CHD6: variants seen among roughly 807,000 people sequenced by gnomAD.
The protein encoded by CHD6 is ATP-dependent chromatin remodeler CHD6.
CHD6 carries 50 observed loss-of-function variants against 276.9 expected under a neutral mutation model. The ratio of observed to expected loss-of-function variants is 0.18; its 90% CI spans 0.14 to 0.23. CHD6 has a LOEUF of 0.23. CHD6 is among the 10% of genes least tolerant of loss of function. CHD6 has a pLI of 1.00. For synonymous variants in CHD6, 1,173 were observed against 1,229.3 expected (o/e 0.95, Z 0.96); for missense variants, 2,564 against 3,365.8 (o/e 0.76, Z 5.89).
At chr20:41,485,256 C>T (rs1345781514) in intron 14 of CHD6, among the ~76,000 whole-genome samples, 1 of 152,168 alleles carries the variant, frequency 6.6e-6, no homozygotes, top group African/African-American at 2.4e-5. Context: ...CTTTATGCAA[C>T]TGACTGCACC....
intron 1 of CHD6, among the ~76,000 whole-genome samples, chr20:41,578,500 C>A (rs2045498021): frequency 6.6e-6 from 1 of 151,978 alleles, no homozygotes. Context: ...ATTTAGGTAA[C>A]AATCACCAAG....
At chr20:41,561,251 C>A (rs1601143491) in intron 1 of CHD6, among the ~76,000 whole-genome samples, 1 of 152,230 alleles carries the variant, frequency 6.6e-6, no homozygotes, top group East Asian at 1.9e-4. Flanking sequence ...GTTATTATCA[C>A]CCTTATTTAT....
At chr20:41,409,009 A>G (rs1395298661) in intron 36 of CHD6, among the ~76,000 whole-genome samples, 1 of 152,258 alleles carries the variant, frequency 6.6e-6, no homozygotes, top group Non-Finnish European at 1.5e-5. Context: ...GCTGAGAACC[A>G]TGAGTGCAGA....
chr20:41,415,557 T>C lies in CHD6; in HGVS notation c.6568A>G (p.Lys2190Glu), dbSNP rs776008226. 6.2e-7 allele frequency: 1 copy of C among 1,614,058 alleles called. No individual in the cohort carries two copies. Among genetic ancestry groups the C allele is most frequent in the Admixed American group, 1.7e-5 (1 of 60,026 alleles). Residue 2190 changes from lysine to glutamate, a missense_variant, in exon 34 of 37, where the codon AAG becomes GAG. By Grantham distance (56) the Lys-to-Glu change is moderately conservative (BLOSUM62 1). Coordinates refer to ENST00000373233, the MANE Select transcript of CHD6 (RefSeq NM_032221.5). ...PYEFEVERDA[K>E]ARGLEQFSAT... ...GAGAACTGCTCCAGGCCCCGAGCCTTTGCATCCCTCTCCACCTCAAACTCA... is the reference window on the plus strand; with the variant it reads ...GAGAACTGCTCCAGGCCCCGAGCCTCTGCATCCCTCTCCACCTCAAACTCA...
chr20:41,457,486 C>G, intron 17 of CHD6, 58 bp from the exon 18 acceptor site: 1 of 1,567,086 alleles, frequency 6.4e-7, no homozygotes, highest in African/African-American at 1.3e-5. Context: ...GGCAGCAACC[C>G]TGGGAATAGG....
At chr20:41,611,928 G>A (rs1157770799) in intron 1 of CHD6, among the ~76,000 whole-genome samples, 7 of 152,054 alleles carry the variant, frequency 4.6e-5, no homozygotes, top group East Asian at 3.9e-4. Flanking sequence ...GTGAGCCACC[G>A]CACCTGGCAA....
Position 41,451,122 on chromosome 20 carries a change from G to C in CHD6, c.3524-17C>G. ...CAGATAAGCCTGAAACAGAAAGACA[G>C]CATAGGGCAAGTGGATAGCCAAGGG... On this transcript the variant is annotated splice_polypyrimidine_tract_variant and intron_variant, in intron 22 of 36. Coordinates refer to ENST00000373233, the MANE Select transcript of CHD6 (RefSeq NM_032221.5). 6.2e-7 allele frequency: 1 copy of C among 1,611,256 alleles called. No homozygotes were observed. The highest frequency in any genetic ancestry group is 8.5e-7 in the Non-Finnish European group (1 of 1,178,104).
At chr20:41,588,918 A>G (rs1179409181) in intron 1 of CHD6, among the ~76,000 whole-genome samples, 1 of 152,216 alleles carries the variant, frequency 6.6e-6, no homozygotes, top group Non-Finnish European at 1.5e-5. Context: ...CAACAAAAAA[A>G]GAGAATTTTA....
At chr20:41,580,301 A>G (rs912684245) in intron 1 of CHD6, among the ~76,000 whole-genome samples, 2 of 152,120 alleles carry the variant, frequency 1.3e-5, no homozygotes, top group Non-Finnish European at 2.9e-5. Context: ...TACCTTAACA[A>G]TATTTTCCCA....
chr20:41,577,059 G>A (rs2045481483), intron 1 of CHD6, among the ~76,000 whole-genome samples: 1 of 152,152 alleles, frequency 6.6e-6, no homozygotes, highest in Non-Finnish European at 1.5e-5. Flanking sequence ...AGAAAAGGAA[G>A]GAAAGAGAAT....
At position 41,489,646 on chromosome 20, in the gene CHD6, T is replaced by C. The variant is rs2043501329; in HGVS notation, c.1680+132A>G. 21 of 1,198,416 alleles carry C rather than the reference T, an allele frequency of 1.8e-5. No individual in the cohort carries two copies. In the South Asian group the frequency reaches 2.6e-4, roughly 15 times the overall value. 74.2% of individuals were successfully genotyped at this position (1,198,416 alleles called of 1,614,324 possible). A position where few individuals can be genotyped will look rare whatever the true frequency, so the allele number is the denominator to read the frequency against. ...CTACCAGGGAGAGCAGGAGTCAGCC[T>C]TGACAAACATATTACAAAGTCATTC... is the stretch of plus-strand genomic sequence containing the variant. On this transcript the variant is annotated intron_variant, in intron 12 of 36. Coordinates refer to ENST00000373233, the MANE Select transcript of CHD6 (RefSeq NM_032221.5).
At chr20:41,565,348 C>A (rs913967612) in intron 1 of CHD6, among the ~76,000 whole-genome samples, 5 of 152,180 alleles carry the variant, frequency 3.3e-5, no homozygotes, top group African/African-American at 1.2e-4. Flanking sequence ...CCCGCCTCGG[C>A]CTCCCAAAGT....
intron 17 of CHD6, among the ~76,000 whole-genome samples, chr20:41,458,795 C>A (rs763065852): frequency 2.6e-5 from 4 of 151,886 alleles, no homozygotes; most frequent in Admixed American, 6.6e-5. Flanking sequence ...GTTTTTTCTC[C>A]CTGAGTAAGC....
chr20:41,560,290 T>C (rs763146866), intron 1 of CHD6, among the ~76,000 whole-genome samples: 9 of 152,198 alleles, frequency 5.9e-5, no homozygotes, highest in African/African-American at 9.7e-5. Context: ...CCTCTGGTTC[T>C]TGTCTACTGC....
intron 2 of CHD6, among the ~76,000 whole-genome samples, chr20:41,548,233 C>T (rs1193564406): frequency 6.6e-6 from 1 of 152,200 alleles, no homozygotes; most frequent in East Asian, 1.9e-4. Flanking sequence ...GAAAGTTGCT[C>T]ACTTCTGTAA....
chr20:41,597,923 C>T (rs956912765), intron 1 of CHD6, among the ~76,000 whole-genome samples: 2 of 152,042 alleles, frequency 1.3e-5, no homozygotes, highest in African/African-American at 2.4e-5. Context: ...TGGGGAGTTC[C>T]CTTAGACTTG....
At position 41,433,512 on chromosome 20, in the gene CHD6, T is replaced by C. The variant is rs1051500983; in HGVS notation, c.4068+3762A>G. Among the ~76,000 whole-genome samples, 9 of 152,040 alleles carry C rather than the reference T, an allele frequency of 5.9e-5. No homozygotes were observed. The East Asian group carries it at 1.7e-3, about 29-fold the overall frequency. On this transcript the variant is annotated intron_variant, in intron 27 of 36. Transcript: ENST00000373233. Reference sequence around the variant, plus strand: ...CAGAATCCTCCATTTGGTGAAAATATCCTTTGGGAACAAAGGGGATATTAA... The same window carrying C: ...CAGAATCCTCCATTTGGTGAAAATACCCTTTGGGAACAAAGGGGATATTAA...
intron 3 of CHD6, among the ~76,000 whole-genome samples, chr20:41,522,208 T>C (rs2044417118): frequency 2.0e-5 from 3 of 152,000 alleles, no homozygotes; most frequent in Admixed American, 6.6e-5. Context: ...CAGCCACACA[T>C]GATGGTGCAT....
Position 41,493,518 on chromosome 20 carries a change from G to C in CHD6, c.1314+20C>G, listed in dbSNP as rs560059565. 33 of 1,611,890 alleles carry C rather than the reference G, an allele frequency of 2.0e-5. No individual in the cohort carries two copies. Among genetic ancestry groups the C allele is most frequent in the Middle Eastern group, 3.3e-4 (2 of 6,020 alleles). On this transcript the variant is annotated intron_variant, in intron 10 of 36. Transcript: ENST00000373233. ...ATTACATGTTCCGAGAAGTGCCAGA[G>C]AGAGACAAAACTACTTTACCACATG...
Sources: gnomAD v4.1 joint callset for allele counts (sites outside exome capture counted in the v4.1 genomes callset) on GRCh38, gnomAD v4.1.1 for gene constraint, MANE v1.5 for transcripts, NCBI Gene and HGNC (gene_info 2026-07-23, HGNC 2026-07-21) for gene names.